Variants in TPTE observed in about 807,000 individuals in gnomAD.
The protein encoded by TPTE is putative tyrosine-protein phosphatase TPTE.
TPTE carries 59 observed loss-of-function variants against 84.1 expected under a neutral mutation model. The ratio of observed to expected loss-of-function variants is 0.70; its 90% CI spans 0.57 to 0.87. The LOEUF (loss-of-function observed/expected upper bound fraction) is 0.87, where lower values mean the gene tolerates loss of function less well. Among genes scored for constraint, TPTE ranks in the 40% least tolerant of loss-of-function variants. The pLI is 0.00. For synonymous variants in TPTE, 130 were observed against 223.5 expected, an observed-to-expected ratio of 0.58 and a Z score of 3.73; for missense variants, 382 against 659.6, an observed-to-expected ratio of 0.58 and a Z score of 4.61.
intron 4 of TPTE, among the ~76,000 whole-genome samples, chr21:10,538,993 ATTC>A (rs1310615555): frequency 1.3e-5 from 2 of 152,308 alleles, no homozygotes; most frequent in Non-Finnish European, 2.9e-5. Context: ...AGGATTTCCA[ATTC>A]TTCTCCTAGT....
At chr21:10,535,114 CT>C (rs1298904960) in intron 3 of TPTE, among the ~76,000 whole-genome samples, 1 of 152,298 alleles carries the variant, frequency 6.6e-6, no homozygotes, top group African/African-American at 2.4e-5. Context: ...TTTGGCATTC[CT>C]TGGCAGGTAG....
At chr21:10,596,566 CT>C (rs1398589153) in intron 20 of TPTE, among the ~76,000 whole-genome samples, 2 of 149,298 alleles carry the variant, frequency 1.3e-5, no homozygotes, top group African/African-American at 4.9e-5. Flanking sequence ...TTTCCCCTCT[CT>C]CCTCCATCTG....
chr21:10,556,254 CAT>C (rs1407856202), intron 8 of TPTE, among the ~76,000 whole-genome samples: 1 of 152,308 alleles, frequency 6.6e-6, no homozygotes, highest in Admixed American at 6.5e-5. Flanking sequence ...CAAGGGTTCT[CAT>C]TGTTCAATTC....
chr21:10,583,952 T>C (rs2145750411), intron 17 of TPTE, among the ~76,000 whole-genome samples: 1 of 152,430 alleles, frequency 6.6e-6, no homozygotes, highest in South Asian at 2.1e-4. Flanking sequence ...TTCTTCACAA[T>C]TGTTTGGGTA....
At chr21:10,538,505 T>C (rs1268691824) in intron 3 of TPTE, among the ~76,000 whole-genome samples, 176 bp from the exon 4 acceptor site, 1 of 152,300 alleles carries the variant, frequency 6.6e-6, no homozygotes, top group Middle Eastern at 3.2e-3. Context: ...TTGGTTGCCA[T>C]CATATAAATC....
rs369237650 is a variant in TPTE, at chr21:10,558,846, C to A, written c.234-648C>A. Among the ~76,000 whole-genome samples, 847 of 152,096 alleles carry A rather than the reference C, an allele frequency of 5.6e-3. No homozygotes were observed. The East Asian group carries it at 0.11, about 20-fold the overall frequency. ...CCTCATGAGCTACCTTGTCTCCAGC[C>A]ATAAGGTAAAATGAGGCATTATTGG... On this transcript the variant is annotated intron_variant, in intron 8 of 23. Transcript: ENST00000618007.
intron 3 of TPTE, among the ~76,000 whole-genome samples, chr21:10,535,373 A>G (rs1003640812): frequency 4.3e-4 from 66 of 152,378 alleles, no homozygotes; most frequent in Admixed American, 1.5e-3. Context: ...ACATAAAACA[A>G]TGAAAGAGAA....
At chr21:10,597,828 G>T (rs1178251076) in intron 20 of TPTE, among the ~76,000 whole-genome samples, 187 bp from the exon 21 acceptor site, 1 of 152,312 alleles carries the variant, frequency 6.6e-6, no homozygotes, top group Non-Finnish European at 1.5e-5. Context: ...ATCTGCTTTA[G>T]GAGACAGAAC....
intron 21 of TPTE, among the ~76,000 whole-genome samples, chr21:10,600,796 G>T (rs11184133): frequency 7.9e-3 from 1,187 of 150,252 alleles, no homozygotes; most frequent in South Asian, 0.045. Flanking sequence ...ATGAGTCAAA[G>T]AACTAGTACA....
chr21:10,553,356 A>G (rs1490357191), intron 8 of TPTE, among the ~76,000 whole-genome samples: 9 of 152,298 alleles, frequency 5.9e-5, no homozygotes, highest in Admixed American at 2.0e-4. Flanking sequence ...GCTTGTGTCA[A>G]TGCTGGAGAG....
At chr21:10,562,280 C>T (rs1054017887) in intron 10 of TPTE, among the ~76,000 whole-genome samples, 1 of 152,308 alleles carries the variant, frequency 6.6e-6, no homozygotes, top group Non-Finnish European at 1.5e-5. Context: ...ACAAACAAGC[C>T]CTGACAGTGA....
At chr21:10,577,913 G>GA (rs528014093) in intron 15 of TPTE, among the ~76,000 whole-genome samples, 31 of 152,324 alleles carry the variant, frequency 2.0e-4, no homozygotes, top group African/African-American at 7.0e-4. Flanking sequence ...CTCTAGATGG[G>GA]AAAAAAGCAA....
intron 14 of TPTE, among the ~76,000 whole-genome samples, chr21:10,572,773 G>A (rs1479191345): frequency 2.4e-4 from 36 of 152,300 alleles, no homozygotes; most frequent in African/African-American, 8.2e-4. Flanking sequence ...ACATCTGGAA[G>A]CAAGAGGATG....
intron 3 of TPTE, among the ~76,000 whole-genome samples, chr21:10,534,998 T>A (rs1010974304): frequency 6.6e-6 from 1 of 152,308 alleles, no homozygotes; most frequent in Non-Finnish European, 1.5e-5. Flanking sequence ...TCCTAGGGAC[T>A]AGAAATCTGA....
At chr21:10,546,967 A>G (rs1415270234) in intron 7 of TPTE, among the ~76,000 whole-genome samples, 1 of 152,308 alleles carries the variant, frequency 6.6e-6, no homozygotes, top group Non-Finnish European at 1.5e-5. Context: ...TAAACAACAC[A>G]TTTTCAATGT....
chr21:10,566,283 T>G (rs1256420885), intron 10 of TPTE, among the ~76,000 whole-genome samples: 2 of 152,306 alleles, frequency 1.3e-5, no homozygotes, highest in Admixed American at 1.3e-4. Flanking sequence ...AGAGAAATTC[T>G]CAGTGTAGAA....
At chr21:10,536,541 C>T (rs1600862298) in intron 3 of TPTE, among the ~76,000 whole-genome samples, 1 of 152,302 alleles carries the variant, frequency 6.6e-6, no homozygotes, top group Admixed American at 6.5e-5. Context: ...GATATACATA[C>T]TTCTGTCTAT....
intron 3 of TPTE, among the ~76,000 whole-genome samples, chr21:10,529,057 G>T (rs923301895): frequency 6.6e-6 from 1 of 152,304 alleles, no homozygotes; most frequent in African/African-American, 2.4e-5. Flanking sequence ...GGTGGTGCAT[G>T]CCTGCAGTCC....
chr21:10,565,115 ACTC>A (rs1167462074), intron 10 of TPTE, among the ~76,000 whole-genome samples: 1 of 152,308 alleles, frequency 6.6e-6, no homozygotes, highest in Non-Finnish European at 1.5e-5. Context: ...AATACTAAAG[ACTC>A]CACCAAAAAA....
Sources: gnomAD v4.1 joint callset for allele counts (sites outside exome capture counted in the v4.1 genomes callset) on GRCh38, gnomAD v4.1.1 for gene constraint, MANE v1.5 for transcripts, NCBI Gene and HGNC (gene_info 2026-07-23, HGNC 2026-07-21) for gene names.